MGLL: variants seen among roughly 807,000 people sequenced by gnomAD.
MGLL encodes lysophospholipase homolog.
In MGLL, 7 loss-of-function variants were observed where a neutral mutation model predicts 29.1. The ratio of observed to expected loss-of-function variants is 0.24; its 90% CI spans 0.14 to 0.45. MGLL has a LOEUF of 0.45. MGLL is among the 20% of genes least tolerant of loss of function. The pLI, the probability that MGLL is intolerant of heterozygous loss-of-function variation, is 0.99. For missense variants in MGLL, 356 were observed against 413.6 expected, an observed-to-expected ratio of 0.86 and a Z score of 1.21; for synonymous variants, 148 against 168.3, an observed-to-expected ratio of 0.88 and a Z score of 0.93.
chr3:127,772,461 C>T (rs1284763864), intron 3 of MGLL, among the ~76,000 whole-genome samples: 1 of 152,238 alleles, frequency 6.6e-6, no homozygotes, highest in African/African-American at 2.4e-5. Flanking sequence ...GCCTGTTTCA[C>T]ATCTGTCCAA....
intron 2 of MGLL, among the ~76,000 whole-genome samples, chr3:127,806,089 T>C (rs978431621): frequency 6.6e-6 from 1 of 152,196 alleles, no homozygotes; most frequent in Admixed American, 6.5e-5. Context: ...TTCTGGTGCA[T>C]AGAATTCTAA....
At chr3:127,805,752 C>T (rs1285455788) in intron 2 of MGLL, among the ~76,000 whole-genome samples, 1 of 152,226 alleles carries the variant, frequency 6.6e-6, no homozygotes, top group African/African-American at 2.4e-5. Flanking sequence ...ATGTAGCTGA[C>T]ACTGTCTATG....
intron 3 of MGLL, among the ~76,000 whole-genome samples, chr3:127,766,615 G>A (rs1408941420): frequency 6.6e-6 from 1 of 152,162 alleles, no homozygotes; most frequent in East Asian, 1.9e-4. Flanking sequence ...CAGCATCAAA[G>A]AACTCCGAAG....
At chr3:127,735,906 G>A (rs1230022193) in intron 3 of MGLL, 10 of 1,538,262 alleles carry the variant, frequency 6.5e-6, no homozygotes, top group East Asian at 4.8e-5. Context: ...GCAAAGAGAT[G>A]GGGCAGCTGG....
At chr3:127,698,841 G>C (rs1187315641) in intron 6 of MGLL, among the ~76,000 whole-genome samples, 1 of 152,202 alleles carries the variant, frequency 6.6e-6, no homozygotes, top group African/African-American at 2.4e-5. Flanking sequence ...AGTAACAAAG[G>C]CCCAGGCTTT....
intron 3 of MGLL, among the ~76,000 whole-genome samples, chr3:127,740,394 G>A (rs1244971294): frequency 6.6e-6 from 1 of 151,928 alleles, no homozygotes; most frequent in Non-Finnish European, 1.5e-5. Context: ...ACTGCTCTAG[G>A]ACTTCATGTA....
At chr3:127,731,604 C>A (rs955742922) in intron 3 of MGLL, among the ~76,000 whole-genome samples, 1 of 152,100 alleles carries the variant, frequency 6.6e-6, no homozygotes, top group African/African-American at 2.4e-5. Flanking sequence ...AGGCAACAGA[C>A]AATTAAGGAC....
chr3:127,807,748 GT>G (rs2077591574), intron 2 of MGLL, among the ~76,000 whole-genome samples: 3 of 104,182 alleles, frequency 2.9e-5, no homozygotes, highest in African/African-American at 7.5e-5. Context: ...GCTGTGAAAA[GT>G]CTTTTTTTTT....
rs576652347 is a variant in MGLL, at chr3:127,793,496, C to T, written c.156-11601G>A. Among the ~76,000 whole-genome samples, 4 of 152,348 alleles carry T rather than the reference C, an allele frequency of 2.6e-5. 1 individual carries two copies. Among genetic ancestry groups the T allele is most frequent in the South Asian group, 4.1e-4 (2 of 4,832 alleles). On this transcript the variant is annotated intron_variant, in intron 2 of 7. Transcript: ENST00000265052. ...ATAATTAGAGAAGCTCTAGATCCCA[C>T]GGAATCTTTTCAGATGTCAGTTTCT... is the stretch of plus-strand genomic sequence containing the variant.
chr3:127,747,673 C>A (rs190646672), intron 3 of MGLL, among the ~76,000 whole-genome samples: 73 of 152,378 alleles, frequency 4.8e-4, no homozygotes, highest in Admixed American at 9.8e-4. Context: ...CAGGTATGAT[C>A]ATTTCCATCA....
At chr3:127,748,408 AAGAGAG>A (rs748224127) in intron 3 of MGLL, among the ~76,000 whole-genome samples, 2 of 137,732 alleles carry the variant, frequency 1.5e-5, no homozygotes, top group Non-Finnish European at 1.6e-5. Context: ...GAGAGAGAGA[AAGAGAG>A]AGAGAGAGAG....
At chr3:127,727,626 C>T (rs112153207) in intron 3 of MGLL, among the ~76,000 whole-genome samples, 3 of 142,330 alleles carry the variant, frequency 2.1e-5, no homozygotes, top group African/African-American at 5.1e-5. Context: ...GTGAGAGAAT[C>T]GTTTGAGCCC....
intron 3 of MGLL, among the ~76,000 whole-genome samples, chr3:127,766,478 C>G (rs1390042960): frequency 6.6e-6 from 1 of 152,194 alleles, no homozygotes; most frequent in Non-Finnish European, 1.5e-5. Context: ...TGCCAAACCC[C>G]TCTCTTGAGT....
chr3:127,701,045 T>C (rs560683662), intron 6 of MGLL, among the ~76,000 whole-genome samples: 1 of 151,548 alleles, frequency 6.6e-6, no homozygotes. Context: ...TAAAACCCCA[T>C]CTCTACAAAA....
intron 6 of MGLL, among the ~76,000 whole-genome samples, chr3:127,707,083 A>G (rs1409845686): frequency 6.6e-6 from 1 of 152,216 alleles, no homozygotes; most frequent in Non-Finnish European, 1.5e-5. Flanking sequence ...CTCAGAACTC[A>G]GCATATGGCC....
In MGLL at chr3:127,737,630, C is replaced by CTTTTTTTT. The variant is rs774965066; in HGVS notation, c.263-15072_263-15065dup. 5.9e-3 allele frequency among the ~76,000 whole-genome samples: 405 copies of CTTTTTTTT among 68,596 alleles called. 55 individuals carry two copies. The highest frequency in any genetic ancestry group is 0.012 in the African/African-American group (164 of 13,572). The allele number at this position is 68,596 out of a possible 152,430, so 45.0% of individuals were successfully genotyped here. ...GACACAGTGAAATCATCAACTGCTT[C>CTTTTTTTT]TTTTTTTTTTTTTTTTTTTTTTTTT... On this transcript the variant is annotated intron_variant, in intron 3 of 7. Coordinates refer to ENST00000265052, the MANE Select transcript of MGLL (RefSeq NM_007283.7).
intron 4 of MGLL, 149 bp from the exon 5 acceptor site, chr3:127,721,312 G>A (rs2075917310): frequency 1.5e-6 from 1 of 657,042 alleles, no homozygotes; most frequent in Non-Finnish European, 2.7e-6. Flanking sequence ...ATCAAATGTT[G>A]GCTAAACTAG....
intron 6 of MGLL, 120 bp from the exon 7 acceptor site, chr3:127,695,310 G>T: frequency 9.6e-7 from 1 of 1,038,328 alleles, no homozygotes; most frequent in East Asian, 2.6e-5. Flanking sequence ...ATTCAGGTCA[G>T]CTGGGCTTGG....
At chr3:127,813,680 G>A (rs895418353) in intron 2 of MGLL, among the ~76,000 whole-genome samples, 16 of 152,290 alleles carry the variant, frequency 1.1e-4, no homozygotes, top group African/African-American at 3.4e-4. Context: ...CTGGGCCTCA[G>A]TCTTTCCATC....
Sources: gnomAD v4.1 joint callset for allele counts (sites outside exome capture counted in the v4.1 genomes callset) on GRCh38, gnomAD v4.1.1 for gene constraint, MANE v1.5 for transcripts, NCBI Gene and HGNC (gene_info 2026-07-23, HGNC 2026-07-21) for gene names.